RP1: variants seen among roughly 807,000 people sequenced by gnomAD.
RP1 encodes oxygen-regulated protein 1.
In RP1, 16 loss-of-function variants were observed where a neutral mutation model predicts 14.8. The ratio of observed to expected loss-of-function variants is 1.08; its 90% CI spans 0.73 to 1.65. RP1 has a LOEUF of 1.65. Ranked by LOEUF, RP1 falls within the 40% of genes most tolerant of loss-of-function variation. The probability of loss-of-function intolerance (pLI) is 0.00; values close to 1 mark genes in which losing one functional copy is unlikely to be tolerated. For missense variants in RP1, 2,631 were observed against 2,535.0 expected (o/e 1.04, Z -0.81); for synonymous variants, 876 against 883.6 (o/e 0.99, Z 0.15).
chr8:54,705,334 G>C (rs1373456179), intron 14 of RP1, among the ~76,000 whole-genome samples: 1 of 152,222 alleles, frequency 6.6e-6, no homozygotes, highest in African/African-American at 2.4e-5. Flanking sequence ...CATGGAATGT[G>C]CACTGGTTCT....
chr8:54,751,109 G>A (rs1809359273), intron 19 of RP1, among the ~76,000 whole-genome samples: 1 of 152,208 alleles, frequency 6.6e-6, no homozygotes, highest in Admixed American at 6.5e-5. Context: ...TGAAGTCAGT[G>A]AGACCACTAA....
intron 15 of RP1, among the ~76,000 whole-genome samples, chr8:54,710,765 C>G (rs1168311226): frequency 1.3e-5 from 2 of 152,192 alleles, no homozygotes; most frequent in Non-Finnish European, 2.9e-5. Context: ...AGTTGCCTCT[C>G]CCTGATGTCC....
intron 1 of RP1, among the ~76,000 whole-genome samples, chr8:54,565,142 CAG>C (rs951677933): frequency 1.3e-5 from 2 of 152,144 alleles, no homozygotes; most frequent in Non-Finnish European, 2.9e-5. Context: ...GCAGCAGAGA[CAG>C]AGAGTTTCTG....
intron 12 of RP1, among the ~76,000 whole-genome samples, chr8:54,682,809 C>A (rs944231204): frequency 2.0e-5 from 3 of 152,180 alleles, no homozygotes; most frequent in African/African-American, 7.2e-5. Context: ...TTAATTAGAT[C>A]CCATTTGTCA....
chr8:54,830,658 T>C (rs1811498094), intron 24 of RP1, among the ~76,000 whole-genome samples: 1 of 152,176 alleles, frequency 6.6e-6, no homozygotes, highest in Non-Finnish European at 1.5e-5. Flanking sequence ...CTCTGCCATT[T>C]AAATAAAAAG....
rs529359501 is a variant in RP1 at position 54,725,225 on chromosome 8, AT to A, written c.2390-1113del. Among the ~76,000 whole-genome samples, 13 of 152,104 alleles carry A rather than the reference AT, an allele frequency of 8.5e-5. No individual in the cohort carries two copies. The South Asian group carries it at 2.7e-3, about 32-fold the overall frequency. On this transcript the variant is annotated intron_variant, in intron 16 of 22. Transcript: ENST00000636932. ...TCTTAGTTATATATAAGAATCTTAA[AT>A]TTTTTTCCTCTACAATTATTTATTT...
chr8:54,847,484 A>G (rs576274379), intron 25 of RP1, among the ~76,000 whole-genome samples: 37 of 152,366 alleles, frequency 2.4e-4, no homozygotes, highest in African/African-American at 8.4e-4. Flanking sequence ...ATCTTTTGGC[A>G]GATGGAATTC....
chr8:54,667,506 G>T, intron 7 of RP1, among the ~76,000 whole-genome samples: 1 of 152,090 alleles, frequency 6.6e-6, no homozygotes, highest in Admixed American at 6.6e-5. Flanking sequence ...GAGATTGTGG[G>T]CTCCAGATGA....
chr8:54,699,647 A>G (rs1295153758), intron 13 of RP1: 1 of 647,086 alleles, frequency 1.5e-6, no homozygotes, highest in Non-Finnish European at 2.3e-6. Flanking sequence ...ATACATTTAT[A>G]AGATTACCAT....
At chr8:54,778,605 G>A (rs564671074) in intron 23 of RP1, among the ~76,000 whole-genome samples, 2 of 152,296 alleles carry the variant, frequency 1.3e-5, no homozygotes, top group East Asian at 3.9e-4. Context: ...TTACAGGCAT[G>A]AGCCACAATG....
chr8:54,869,842 G>A lies in RP1; in HGVS notation c.4152-1G>A. On this transcript the variant is annotated splice_acceptor_variant, in intron 28 of 28. Transcript: ENST00000637698. LOFTEE classifies it high-confidence loss of function. ...ATTATCTTCTTTTTTTTGCATGGCAGATGGCTAGATGAGTACCAAGATGAT... is the reference window on the plus strand; with the variant it reads ...ATTATCTTCTTTTTTTTGCATGGCAAATGGCTAGATGAGTACCAAGATGAT... The A allele has an allele frequency of 8.2e-7, 1 of 1,218,572 alleles. No individual in the cohort carries two copies. The allele number at this position is 1,218,572 out of a possible 1,614,324, so 75.5% of individuals were successfully genotyped here.
intron 12 of RP1, among the ~76,000 whole-genome samples, chr8:54,680,514 A>G (rs908618434): frequency 7.9e-5 from 12 of 152,318 alleles, no homozygotes; most frequent in African/African-American, 2.9e-4. Flanking sequence ...TGCAACACCT[A>G]TGAATTTAAC....
intron 1 of RP1, among the ~76,000 whole-genome samples, chr8:54,582,512 A>G (rs10808890): frequency 0.77 from 115,560 of 149,512 alleles, 45,246 homozygotes; most frequent in Non-Finnish European, 0.83. Flanking sequence ...ATATGAACTT[A>G]AAAGTAGTTT....
At chr8:54,726,493 G>C (rs1459356188) in intron 17 of RP1, 5 of 1,513,180 alleles carry the variant, frequency 3.3e-6, no homozygotes, top group African/African-American at 1.4e-5. Context: ...CACAGCTTTT[G>C]CTTTCATACT....
intron 3 of RP1, among the ~76,000 whole-genome samples, chr8:54,639,256 A>C (rs1381403267): frequency 1.3e-5 from 2 of 152,214 alleles, no homozygotes; most frequent in Non-Finnish European, 2.9e-5. Flanking sequence ...CTGAATCAGT[A>C]GTTGTTTTTC....
intron 19 of RP1, among the ~76,000 whole-genome samples, chr8:54,750,037 C>T (rs1032772314): frequency 8.5e-5 from 13 of 152,156 alleles, no homozygotes; most frequent in Non-Finnish European, 1.9e-4. Context: ...TGGTCGTGGT[C>T]AGCTCTCCCA....
chr8:54,588,469 G>A (rs1804980005), intron 1 of RP1, among the ~76,000 whole-genome samples: 1 of 152,178 alleles, frequency 6.6e-6, no homozygotes, highest in African/African-American at 2.4e-5. Flanking sequence ...ATAAACAGCT[G>A]CAATATTAGG....
intron 24 of RP1, among the ~76,000 whole-genome samples, chr8:54,813,332 T>C (rs753448748): frequency 5.3e-5 from 8 of 152,306 alleles, no homozygotes; most frequent in Non-Finnish European, 1.0e-4. Context: ...ACAGAGTTCA[T>C]TGAATAGCCT....
At chr8:54,847,872 C>T (rs564753131) in intron 25 of RP1, among the ~76,000 whole-genome samples, 7 of 152,324 alleles carry the variant, frequency 4.6e-5, no homozygotes, top group Non-Finnish European at 1.0e-4. Flanking sequence ...CGGAGCAGTG[C>T]GGGGCTCTGA....
Sources: gnomAD v4.1 joint callset for allele counts (sites outside exome capture counted in the v4.1 genomes callset) on GRCh38, gnomAD v4.1.1 for gene constraint, MANE v1.5 for transcripts, NCBI Gene and HGNC (gene_info 2026-07-23, HGNC 2026-07-21) for gene names.